Variants in TBC1D8 observed in about 807,000 individuals in gnomAD.
TBC1D8 encodes the protein BUB2-like protein 1.
Under a neutral mutation model 118.8 loss-of-function variants are expected in TBC1D8, and 65 were observed. The ratio of observed to expected loss-of-function variants is 0.55; its 90% confidence interval spans 0.45 to 0.67. The LOEUF (loss-of-function observed/expected upper bound fraction) is 0.67, where lower values mean the gene tolerates loss of function less well. Ranked by LOEUF, TBC1D8 falls within the 30% of genes least tolerant of loss-of-function variation. The probability of loss-of-function intolerance (pLI) is 0.00; values close to 1 mark genes in which losing one functional copy is unlikely to be tolerated. For synonymous variants in TBC1D8, 566 were observed against 595.8 expected, an observed-to-expected ratio of 0.95 and a Z score of 0.73; for missense variants, 1,376 against 1,471.2, an observed-to-expected ratio of 0.94 and a Z score of 1.06.
At chr2:101,144,552 C>T (rs982212609) in intron 1 of TBC1D8, among the ~76,000 whole-genome samples, 1 of 152,118 alleles carries the variant, frequency 6.6e-6, no homozygotes, top group Non-Finnish European at 1.5e-5. Context: ...AATAGGCTCA[C>T]GGCTGCTTTT....
chr2:101,147,408 G>T (rs138762713), intron 1 of TBC1D8, among the ~76,000 whole-genome samples: 52 of 152,236 alleles, frequency 3.4e-4, no homozygotes, highest in African/African-American at 1.2e-3. Context: ...CTCCATAGTG[G>T]CAATATTAAC....
chr2:101,059,570 TA>T, intron 2 of TBC1D8, 31 bp from the exon 3 acceptor site: 2 of 1,519,214 alleles, frequency 1.3e-6, no homozygotes, highest in Admixed American at 1.7e-5. Context: ...ATACAGAGAT[TA>T]AAAAATGCAA....
intron 15 of TBC1D8, among the ~76,000 whole-genome samples, chr2:101,025,037 G>A (rs1680257541): frequency 6.6e-6 from 1 of 152,100 alleles, no homozygotes; most frequent in African/African-American, 2.4e-5. Context: ...AAACCTGCAG[G>A]TATTATATAT....
chr2:101,090,967 C>T (rs780429594), intron 1 of TBC1D8, among the ~76,000 whole-genome samples: 1 of 152,196 alleles, frequency 6.6e-6, no homozygotes, highest in Non-Finnish European at 1.5e-5. Flanking sequence ...TCCCTGCCTG[C>T]TCCAGGGTAC....
chr2:101,133,801 G>A (rs1304288566), intron 1 of TBC1D8, among the ~76,000 whole-genome samples: 1 of 152,200 alleles, frequency 6.6e-6, no homozygotes, highest in Non-Finnish European at 1.5e-5. Context: ...AAAGGATAGA[G>A]GTTTAACTGA....
chr2:101,011,059 T>A, intron 18 of TBC1D8, 33 bp from the exon 19 acceptor site: 1 of 1,595,374 alleles, frequency 6.3e-7, no homozygotes, highest in Admixed American at 1.7e-5. Context: ...TGTGGTTTAA[T>A]TTAAATAAAT....
At chr2:101,048,120 G>A (rs551478450) in intron 5 of TBC1D8, among the ~76,000 whole-genome samples, 1 of 152,282 alleles carries the variant, frequency 6.6e-6, no homozygotes, top group East Asian at 1.9e-4. Context: ...CACAGGGAGA[G>A]GGGGAGAAGC....
At chr2:101,063,404 C>T (rs964693049) in intron 2 of TBC1D8, among the ~76,000 whole-genome samples, 1 of 152,184 alleles carries the variant, frequency 6.6e-6, no homozygotes, top group Non-Finnish European at 1.5e-5. Flanking sequence ...AAAACTATCA[C>T]TGAGCTATAG....
chr2:101,031,763 C>G (rs2105388616), intron 11 of TBC1D8, among the ~76,000 whole-genome samples: 1 of 152,272 alleles, frequency 6.6e-6, no homozygotes, highest in East Asian at 1.9e-4. Context: ...CAAGTCTGCC[C>G]TTTAACTGAC....
At chr2:101,142,594 G>A (rs67372270) in intron 1 of TBC1D8, among the ~76,000 whole-genome samples, 18,543 of 152,052 alleles carry the variant, frequency 0.12, 1,235 homozygotes, top group Non-Finnish European at 0.15. Context: ...AATGAACCAC[G>A]GCAGCTACCA....
intron 5 of TBC1D8, among the ~76,000 whole-genome samples, chr2:101,043,952 A>C (rs545901054): frequency 1.3e-5 from 2 of 148,314 alleles, no homozygotes; most frequent in South Asian, 2.1e-4. Context: ...AAAAACAAAC[A>C]AAAAAAAAAG....
At chr2:101,039,288 A>T (rs1681231768) in intron 6 of TBC1D8, among the ~76,000 whole-genome samples, 1 of 152,224 alleles carries the variant, frequency 6.6e-6, no homozygotes, top group African/African-American at 2.4e-5. Context: ...TTGCTCCACT[A>T]ATAAGTAAAA....
chr2:101,148,661 T>A (rs1444887802), intron 1 of TBC1D8, among the ~76,000 whole-genome samples: 2 of 152,184 alleles, frequency 1.3e-5, no homozygotes, highest in African/African-American at 2.4e-5. Context: ...TCTAAACTCC[T>A]ACTAATACAA....
chr2:101,112,444 A>G (rs1048146180), intron 1 of TBC1D8, among the ~76,000 whole-genome samples: 39 of 152,234 alleles, frequency 2.6e-4, no homozygotes, highest in African/African-American at 9.2e-4. Flanking sequence ...ATGAAAGGCC[A>G]GGGCCATAAT....
rs1324882878 is a variant in TBC1D8, at chr2:101,032,222, G to A, written c.1936+46C>T. On this transcript the variant is annotated intron_variant, in intron 11 of 19. Transcript: ENST00000409318. ...ATGAGAAACATCCTGCCCAGGCTCT[G>A]TCACTCTTCCCCAGATACACAGGAG... 11 of 1,547,462 alleles carry A rather than the reference G, an allele frequency of 7.1e-6. No homozygotes were observed. The Middle Eastern group carries it at 1.0e-3, about 142-fold the overall frequency.
chr2:101,023,881 C>A (rs1358438886), intron 15 of TBC1D8: 2 of 173,074 alleles, frequency 1.2e-5, no homozygotes, highest in Non-Finnish European at 2.7e-5. Context: ...TCTGCAAGCT[C>A]ATATCCTCAA....
intron 11 of TBC1D8, 121 bp from the exon 12 acceptor site, chr2:101,029,897 G>T: frequency 9.8e-7 from 1 of 1,023,228 alleles, no homozygotes; most frequent in Non-Finnish European, 1.4e-6. Context: ...CCAGAAAAGC[G>T]TCCATGCTTA....
intron 15 of TBC1D8, among the ~76,000 whole-genome samples, chr2:101,023,338 G>T (rs1476716569): frequency 6.6e-6 from 1 of 151,864 alleles, no homozygotes; most frequent in Non-Finnish European, 1.5e-5. Context: ...TAGAGATGGG[G>T]TTTCACCGTG....
chr2:101,084,272 G>A (rs532455116), intron 2 of TBC1D8, among the ~76,000 whole-genome samples: 118 of 152,260 alleles, frequency 7.7e-4, no homozygotes, highest in Non-Finnish European at 1.2e-3. Context: ...CATCCCACCG[G>A]GTGCAGTGGC....
Sources: gnomAD v4.1 joint callset for allele counts (sites outside exome capture counted in the v4.1 genomes callset) on GRCh38, gnomAD v4.1.1 for gene constraint, MANE v1.5 for transcripts, NCBI Gene and HGNC (gene_info 2026-07-23, HGNC 2026-07-21) for gene names.